TMPRSS15: variants seen among roughly 807,000 people sequenced by gnomAD.
TMPRSS15 encodes transmembrane serine protease 15, also known as enteropeptidase.
Under a neutral mutation model 125.3 loss-of-function variants are expected in TMPRSS15, and 128 were observed. The ratio of observed to expected loss-of-function variants is 1.02; its 90% CI spans 0.89 to 1.18. TMPRSS15 has a LOEUF of 1.18. Among genes scored for constraint, TMPRSS15 ranks in the 50% most tolerant of loss-of-function variants. TMPRSS15 has a pLI of 0.00. For missense variants in TMPRSS15, 1,283 were observed against 1,212.7 expected, an observed-to-expected ratio of 1.06 and a Z score of -0.86; for synonymous variants, 446 against 423.2, an observed-to-expected ratio of 1.05 and a Z score of -0.66.
intron 1 of TMPRSS15, among the ~76,000 whole-genome samples, chr21:18,419,033 G>A (rs957708703): frequency 6.6e-6 from 1 of 152,154 alleles, no homozygotes; most frequent in Non-Finnish European, 1.5e-5. Context: ...TTCCAAGAAT[G>A]TAATTCTCTG....
At position 18,365,129 on chromosome 21, in the gene TMPRSS15, T is replaced by C; in HGVS notation, c.773+11A>G. The C allele has an allele frequency of 6.2e-7, 1 of 1,604,692 alleles. No homozygotes were observed. The highest frequency in any genetic ancestry group is 8.5e-7 in the Non-Finnish European group (1 of 1,171,472). ...TGACTTAAGAACAGAAAATATAAGA[T>C]CTTGTATTACCGTATGATCCACTGG... On this transcript the variant is annotated intron_variant, in intron 7 of 24. Transcript: ENST00000284885.
intron 8 of TMPRSS15, among the ~76,000 whole-genome samples, chr21:18,356,429 G>A (rs1266460110): frequency 1.3e-5 from 2 of 151,710 alleles, no homozygotes; most frequent in African/African-American, 2.4e-5. Flanking sequence ...GGGGCCAAGT[G>A]CTGATGACAT....
intron 1 of TMPRSS15, among the ~76,000 whole-genome samples, chr21:18,401,137 T>C (rs1016607900): frequency 4.6e-5 from 7 of 152,210 alleles, no homozygotes; most frequent in African/African-American, 1.7e-4. Context: ...GATAGAAATG[T>C]AAATTAGTTC....
intron 1 of TMPRSS15, among the ~76,000 whole-genome samples, chr21:18,400,129 T>A (rs2123133176): frequency 6.6e-6 from 1 of 152,272 alleles, no homozygotes; most frequent in South Asian, 2.1e-4. Context: ...AGAATCAATG[T>A]TGTTAAAATG....
chr21:18,313,341 C>CTT (rs2075121863), intron 17 of TMPRSS15, among the ~76,000 whole-genome samples: 1 of 136,612 alleles, frequency 7.3e-6, no homozygotes, highest in South Asian at 2.4e-4. Context: ...CTCAATCTCT[C>CTT]TCTCTCTCTA....
intron 21 of TMPRSS15, among the ~76,000 whole-genome samples, chr21:18,284,662 G>T (rs2074741176): frequency 6.6e-6 from 1 of 152,152 alleles, no homozygotes; most frequent in South Asian, 2.1e-4. Context: ...CATAGGAGAA[G>T]GTGAGAACCA....
intron 1 of TMPRSS15, among the ~76,000 whole-genome samples, chr21:18,434,452 C>G (rs2076223561): frequency 6.6e-6 from 1 of 151,992 alleles, no homozygotes; most frequent in African/African-American, 2.4e-5. Context: ...TTAAGATGCT[C>G]TTTTCCTAGG....
intron 6 of TMPRSS15, among the ~76,000 whole-genome samples, chr21:18,365,651 C>T (rs551864841): frequency 2.2e-5 from 2 of 92,618 alleles, no homozygotes; most frequent in African/African-American, 5.6e-5. Flanking sequence ...TTTTTCCTCC[C>T]TTCCTTCCTT....
intron 8 of TMPRSS15, among the ~76,000 whole-genome samples, chr21:18,354,949 G>A (rs1274288702): frequency 6.6e-6 from 1 of 151,770 alleles, no homozygotes; most frequent in East Asian, 1.9e-4. Context: ...TTGTGATTAT[G>A]TAGTAATTAG....
intron 13 of TMPRSS15, among the ~76,000 whole-genome samples, chr21:18,340,438 G>C (rs943323207): frequency 2.6e-5 from 4 of 152,116 alleles, no homozygotes; most frequent in Admixed American, 6.6e-5. Flanking sequence ...GAGGTTTGGG[G>C]ACTTGGACTG....
At chr21:18,291,294 T>G (rs2074830841) in intron 21 of TMPRSS15, among the ~76,000 whole-genome samples, 1 of 152,216 alleles carries the variant, frequency 6.6e-6, no homozygotes, top group Admixed American at 6.5e-5. Flanking sequence ...AACTTGCCCT[T>G]TAAGCCACAG....
Position 18,332,124 on chromosome 21 carries a change from A to C in TMPRSS15, c.1614T>G (p.Ser538Arg). The change falls in exon 14 of 25, where the codon AGT (serine) becomes AGG (arginine). Residue 538 changes from serine (S) to arginine (R), a missense_variant. Ser to Arg is a moderately radical substitution (Grantham distance 110). Transcript: ENST00000284885. ...GGTAGCTGTTTGGAAAGTTCGTAGA[A>C]CTGAATGTTGTATTTGGCTCCCACA... is the stretch of plus-strand genomic sequence containing the variant. Reference protein sequence around the residue: ...FELWEPNTTFSSTNFPNSYPN... With the variant: ...FELWEPNTTFRSTNFPNSYPN... 6.2e-7 allele frequency: 1 copy of C among 1,614,152 alleles called. No homozygotes were observed. Among genetic ancestry groups the C allele is most frequent in the Non-Finnish European group, 8.5e-7 (1 of 1,179,980 alleles).
intron 6 of TMPRSS15, among the ~76,000 whole-genome samples, chr21:18,371,060 A>T (rs1370592888): frequency 6.6e-6 from 1 of 152,132 alleles, no homozygotes; most frequent in Non-Finnish European, 1.5e-5. Context: ...ACTTATCCAA[A>T]GTCAGCAGTC....
chr21:18,377,017 A>G (rs1409067750), intron 5 of TMPRSS15, among the ~76,000 whole-genome samples: 2 of 152,166 alleles, frequency 1.3e-5, no homozygotes, highest in Non-Finnish European at 2.9e-5. Context: ...ATAGTAAATT[A>G]CTGCTTGGAA....
At chr21:18,443,169 C>T (rs143576427) in intron 1 of TMPRSS15, among the ~76,000 whole-genome samples, 140 of 151,938 alleles carry the variant, frequency 9.2e-4, no homozygotes, top group African/African-American at 3.2e-3. Flanking sequence ...AGGGAAGCTA[C>T]GAAAAGAAAA....
chr21:18,475,985 G>T (rs1978873039), intron 1 of TMPRSS15, among the ~76,000 whole-genome samples: 1 of 152,098 alleles, frequency 6.6e-6, no homozygotes, highest in Non-Finnish European at 1.5e-5. Flanking sequence ...TACATTAATT[G>T]CCACAGGCTG....
intron 1 of TMPRSS15, among the ~76,000 whole-genome samples, chr21:18,463,255 A>C (rs1978587599): frequency 7.8e-6 from 1 of 128,626 alleles, no homozygotes; most frequent in African/African-American, 3.2e-5. Context: ...GCAAAAAAAA[A>C]AAAAAAAAAA....
At chr21:18,354,261 C>T (rs1190537602) in intron 8 of TMPRSS15, among the ~76,000 whole-genome samples, 1 of 151,728 alleles carries the variant, frequency 6.6e-6, no homozygotes, top group African/African-American at 2.4e-5. Context: ...CTCACAGGGG[C>T]TTAATCTGGG....
At chr21:18,399,724 G>T (rs184578260) in intron 1 of TMPRSS15, among the ~76,000 whole-genome samples, 2 of 152,092 alleles carry the variant, frequency 1.3e-5, no homozygotes, top group Admixed American at 1.3e-4. Flanking sequence ...ATCCAAGGAA[G>T]CTGGGTTATA....
Sources: allele counts gnomAD v4.1 joint callset (sites outside exome capture counted in the v4.1 genomes callset), GRCh38; gene constraint gnomAD v4.1.1; transcripts MANE v1.5; gene names NCBI Gene and HGNC (gene_info 2026-07-23, HGNC 2026-07-21).